MAP4K4: variants seen among roughly 807,000 people sequenced by gnomAD.
MAP4K4 encodes HPK/GCK-like kinase HGK.
A neutral mutation model predicts 189.6 loss-of-function variants in MAP4K4; 38 were observed. The observed-to-expected ratio is 0.20, with a 90% CI of 0.15 to 0.26. The LOEUF is 0.26. Among genes scored for constraint, MAP4K4 ranks in the 10% least tolerant of loss-of-function variants. MAP4K4 has a pLI of 1.00. For missense variants in MAP4K4, 1,054 were observed against 1,726.9 expected (o/e 0.61, Z 6.91); for synonymous variants, 610 against 624.3 (o/e 0.98, Z 0.34).
intron 2 of MAP4K4, among the ~76,000 whole-genome samples, chr2:101,716,731 A>C (rs377322390): frequency 6.6e-6 from 1 of 152,126 alleles, no homozygotes; most frequent in Non-Finnish European, 1.5e-5. Flanking sequence ...TGGCTCTTCT[A>C]TCCATCTCTT....
At chr2:101,704,559 ATATATATATTTTTT>A (rs2040996591) in intron 2 of MAP4K4, among the ~76,000 whole-genome samples, 2 of 64,136 alleles carry the variant, frequency 3.1e-5, no homozygotes, top group Non-Finnish European at 5.2e-5. Context: ...ATATATATAT[ATATATATATTTTTT>A]TTTTTTTTTT....
At chr2:101,727,742 G>A (rs965258784) in intron 2 of MAP4K4, among the ~76,000 whole-genome samples, 3 of 152,244 alleles carry the variant, frequency 2.0e-5, no homozygotes, top group Non-Finnish European at 2.9e-5. Context: ...GCTGAGGCAG[G>A]CGGATCACCT....
intron 12 of MAP4K4, among the ~76,000 whole-genome samples, chr2:101,846,373 G>A (rs542479630): frequency 4.6e-5 from 7 of 151,960 alleles, no homozygotes; most frequent in East Asian, 1.9e-4. Flanking sequence ...TTTTGATCCC[G>A]GCCTGTACTT....
chr2:101,717,800 G>A (rs77694024), intron 2 of MAP4K4, among the ~76,000 whole-genome samples: 4,717 of 152,214 alleles, frequency 0.031, 249 homozygotes, highest in African/African-American at 0.11. Flanking sequence ...GAATGGAGAC[G>A]GTGAAGACTC....
At position 101,759,527 on chromosome 2, in the gene MAP4K4, C is replaced by T. The variant is rs866491987; in HGVS notation, c.124-31193C>T. ...TCTCCCCTCCCCTCCCCATTCCCCT[C>T]CCCTCCCCATTCCACTCCCCTCCCC... On this transcript the variant is annotated intron_variant, in intron 2 of 32. Coordinates refer to ENST00000324219, the Ensembl canonical transcript of MAP4K4. 1.5e-4 allele frequency among the ~76,000 whole-genome samples: 7 copies of T among 47,000 alleles called. No homozygotes were observed. In the East Asian group the frequency reaches 5.1e-3, roughly 34 times the overall value. 30.8% of individuals were successfully genotyped at this position (47,000 alleles called of 152,430 possible).
intron 2 of MAP4K4, among the ~76,000 whole-genome samples, chr2:101,713,637 G>A (rs796935382): frequency 6.2e-5 from 9 of 146,224 alleles, no homozygotes; most frequent in African/African-American, 2.3e-4. Context: ...GCTCAGGCCT[G>A]TAATCCCAGC....
chr2:101,701,417 G>C (rs1047934283), intron 2 of MAP4K4, among the ~76,000 whole-genome samples: 2 of 152,148 alleles, frequency 1.3e-5, no homozygotes, highest in African/African-American at 2.4e-5. Flanking sequence ...AGAAAGGTTA[G>C]GGAGTAGTGG....
chr2:101,864,026 C>T (rs779643444), exon 17 of MAP4K4: 1 of 1,366,284 alleles, frequency 7.3e-7, no homozygotes, highest in Middle Eastern at 2.1e-4. Flanking sequence ...TGGTCTAGAT[C>T]AGACAGTGAC....
intron 2 of MAP4K4, among the ~76,000 whole-genome samples, chr2:101,762,772 T>C (rs2077039861): frequency 6.6e-6 from 1 of 152,210 alleles, no homozygotes; most frequent in Non-Finnish European, 1.5e-5. Flanking sequence ...TCTGACTTGA[T>C]AAAATCCCTC....
intron 3 of MAP4K4, among the ~76,000 whole-genome samples, chr2:101,799,191 T>G (rs778729254): frequency 3.3e-5 from 5 of 152,216 alleles, no homozygotes; most frequent in South Asian, 4.1e-4. Flanking sequence ...ATACATACTT[T>G]TAAGCATGAT....
chr2:101,788,334 T>C (rs1161004512), intron 2 of MAP4K4, among the ~76,000 whole-genome samples: 1 of 152,200 alleles, frequency 6.6e-6, no homozygotes, highest in Non-Finnish European at 1.5e-5. Flanking sequence ...TAGGGCCTTA[T>C]AGACTCTCTG....
chr2:101,874,317 G>A, intron 26 of MAP4K4, 65 bp downstream of exon 26: 1 of 1,425,974 alleles, frequency 7.0e-7, no homozygotes, highest in Non-Finnish European at 9.6e-7. Flanking sequence ...GTCTTCTAGA[G>A]AAGTACTGCA....
intron 1 of MAP4K4, 150 bp downstream of exon 1, chr2:101,698,287 G>C (rs1243556563): frequency 1.8e-6 from 1 of 546,680 alleles, no homozygotes; most frequent in African/African-American, 2.1e-5. Context: ...GGGCTGGTGC[G>C]GGGCGGGCGC....
At chr2:101,829,525 C>A (rs1410767752) in exon 6 of MAP4K4, 3 of 1,610,112 alleles carry the variant, frequency 1.9e-6, no homozygotes, top group Admixed American at 1.7e-5. Context: ...TCTTCACATT[C>A]ATCATGTGAT....
intron 13 of MAP4K4, among the ~76,000 whole-genome samples, chr2:101,857,731 A>C (rs6734461): frequency 0.057 from 8,633 of 151,390 alleles, 665 homozygotes; most frequent in African/African-American, 0.17. Flanking sequence ...ACACCCCCCC[A>C]GTTGGCTTTT....
At chr2:101,792,544 G>A (rs2148830906) in intron 3 of MAP4K4, among the ~76,000 whole-genome samples, 1 of 151,810 alleles carries the variant, frequency 6.6e-6, no homozygotes, top group African/African-American at 2.4e-5. Flanking sequence ...TAAAATATAG[G>A]AAAATATAAA....
At position 101,867,969 on chromosome 2, in the gene MAP4K4, A is replaced by G. The variant is rs910361014; in HGVS notation, c.2455-60A>G. 1.5e-5 allele frequency: 23 copies of G among 1,585,350 alleles called. No homozygotes were observed. In the Admixed American group the frequency reaches 3.5e-4, roughly 24 times the overall value. ...CCTTCTTTCTCCCGCGCTTCCTTGTACTGTGCATTCCTCATCAACGATGGC... is the reference window on the plus strand; with the variant it reads ...CCTTCTTTCTCCCGCGCTTCCTTGTGCTGTGCATTCCTCATCAACGATGGC... On this transcript the variant is annotated intron_variant, in intron 20 of 32. Coordinates refer to ENST00000324219, the Ensembl canonical transcript of MAP4K4.
intron 2 of MAP4K4, among the ~76,000 whole-genome samples, chr2:101,759,295 T>C (rs546376391): frequency 1.4e-4 from 21 of 152,168 alleles, no homozygotes; most frequent in East Asian, 9.7e-4. Flanking sequence ...AGAGCTCTTA[T>C]CTGTTTTCTT....
intron 3 of MAP4K4, among the ~76,000 whole-genome samples, chr2:101,814,970 T>C (rs1438254830): frequency 6.6e-6 from 1 of 152,188 alleles, no homozygotes; most frequent in Non-Finnish European, 1.5e-5. Flanking sequence ...GCTGTGTAAA[T>C]ACTAGCCATT....
Sources: allele counts gnomAD v4.1 joint callset (sites outside exome capture counted in the v4.1 genomes callset), GRCh38; gene constraint gnomAD v4.1.1; transcripts MANE v1.5; gene names NCBI Gene and HGNC (gene_info 2026-07-23, HGNC 2026-07-21).